Variants in INO80D observed in about 807,000 individuals in gnomAD.
INO80D encodes the protein INO80 complex subunit D.
A neutral mutation model predicts 87.6 loss-of-function variants in INO80D; 21 were observed. The observed-to-expected ratio is 0.24, with a 90% CI of 0.17 to 0.35. The LOEUF (loss-of-function observed/expected upper bound fraction) is 0.35, where lower values mean the gene tolerates loss of function less well. INO80D is among the 10% of genes least tolerant of loss of function. The probability of loss-of-function intolerance (pLI) is 1.00; values close to 1 mark genes in which losing one functional copy is unlikely to be tolerated. For synonymous variants in INO80D, 440 were observed against 491.0 expected (o/e 0.90, Z 1.37); for missense variants, 982 against 1,280.7 (o/e 0.77, Z 3.56).
intron 4 of INO80D, among the ~76,000 whole-genome samples, chr2:206,050,215 G>A (rs1445954506): frequency 6.6e-6 from 1 of 151,800 alleles, no homozygotes. Flanking sequence ...AAAAATTGCT[G>A]GGCACAGTGG....
intron 1 of INO80D, among the ~76,000 whole-genome samples, chr2:206,083,684 CG>C (rs1415220523): frequency 3.9e-5 from 6 of 152,042 alleles, no homozygotes; most frequent in Non-Finnish European, 8.8e-5. Flanking sequence ...CGAAGCCTCA[CG>C]GAAGTCAGCA....
chr2:206,085,804 G>A lies in INO80D; in HGVS notation c.-124+97C>T, dbSNP rs1400066158. 19 of 151,646 alleles carry A rather than the reference G, an allele frequency of 1.3e-4. No individual in the cohort carries two copies. The highest frequency in any genetic ancestry group is 2.4e-4 in the Non-Finnish European group (16 of 67,976). The allele number at this position is 151,646 out of a possible 1,614,324, so 9.4% of individuals were successfully genotyped here. On this transcript the variant is annotated intron_variant, in intron 1 of 10. Transcript: ENST00000403263. The surrounding 1 kb of genome is among the most constrained non-coding windows in gnomAD (Gnocchi z 4.5). ...TGGGCCGGCGAATCCCCGGCCTCAC[G>A]TAAGCGCGCTCGCCGCCCGCCCAGC... is the stretch of plus-strand genomic sequence containing the variant.
intron 1 of INO80D, among the ~76,000 whole-genome samples, chr2:206,070,095 C>T (rs1230378259): frequency 2.7e-5 from 4 of 150,500 alleles, no homozygotes; most frequent in South Asian, 2.1e-4. Flanking sequence ...GGCAACAGAG[C>T]GAAACCCTAT....
chr2:206,004,978 G>T lies in INO80D; in HGVS notation c.2474C>A (p.Pro825His). The T allele has an allele frequency of 1.2e-6, 2 of 1,614,030 alleles. No homozygotes were observed. Among genetic ancestry groups the T allele is most frequent in the Non-Finnish European group, 1.7e-6 (2 of 1,179,892 alleles). ...QYSSDHSHSS[P>H]HGSHYDSEHV... Reference sequence around the variant, plus strand: ...CTCACTATCATAATGGCTTCCATGGGGTGAGGAGTGTGAGTGATCACTGCT... The same window carrying T: ...CTCACTATCATAATGGCTTCCATGGTGTGAGGAGTGTGAGTGATCACTGCT... Residue 825 changes from proline (P) to histidine (H), a missense_variant, in exon 11 of 11, where the codon CCC (proline) becomes CAC (histidine). Pro to His is a moderately conservative substitution (Grantham distance 77, BLOSUM62 -2). Transcript: ENST00000403263. This position sits in a 1 kb window ranked among gnomAD's most constrained non-coding sequence, Gnocchi z 4.9.
At chr2:206,008,866 A>AAATT (rs751532424) in intron 9 of INO80D, among the ~76,000 whole-genome samples, 8 of 152,260 alleles carry the variant, frequency 5.3e-5, no homozygotes, top group Non-Finnish European at 1.2e-4. Context: ...TTTAGAAATG[A>AAATT]AATTAACAAC....
chr2:206,012,530 T>C (rs746833920), intron 8 of INO80D, among the ~76,000 whole-genome samples: 3 of 152,110 alleles, frequency 2.0e-5, no homozygotes, highest in Non-Finnish European at 4.4e-5. Flanking sequence ...ACTAGAATGG[T>C]AGCAGTGAAA....
chr2:206,019,693 G>T, intron 7 of INO80D, 43 bp downstream of exon 7: 1 of 1,420,860 alleles, frequency 7.0e-7, no homozygotes, highest in Non-Finnish European at 9.9e-7. Context: ...CCCAAATTAG[G>T]TAGTACTTTT....
At chr2:206,071,327 G>A (rs1689966075) in intron 1 of INO80D, among the ~76,000 whole-genome samples, 1 of 93,030 alleles carries the variant, frequency 1.1e-5, no homozygotes, top group Non-Finnish European at 2.0e-5. Flanking sequence ...TTTAAGAGAT[G>A]AGGTTGCACT....
intron 5 of INO80D, among the ~76,000 whole-genome samples, chr2:206,031,177 C>A (rs1688756146): frequency 6.6e-6 from 1 of 151,686 alleles, no homozygotes; most frequent in African/African-American, 2.4e-5. Flanking sequence ...TCACTTGAAC[C>A]CAGGAGGCAG....
chr2:206,012,302 G>A (rs1688197608), intron 8 of INO80D, among the ~76,000 whole-genome samples: 1 of 152,140 alleles, frequency 6.6e-6, no homozygotes, highest in Non-Finnish European at 1.5e-5. Context: ...TCTGTATCTT[G>A]ATTTAGGTGG....
intron 6 of INO80D, among the ~76,000 whole-genome samples, chr2:206,020,362 T>C (rs1688427308): frequency 6.6e-6 from 1 of 152,210 alleles, no homozygotes; most frequent in South Asian, 2.1e-4. Flanking sequence ...ATACAGTATA[T>C]AGTATTACAC....
In INO80D at chr2:206,022,470, C is replaced by A. The variant is rs1688490573; in HGVS notation, c.1299-2625G>T. Among the ~76,000 whole-genome samples, 4 of 152,074 alleles carry A rather than the reference C, an allele frequency of 2.6e-5. No individual in the cohort carries two copies. In the South Asian group the frequency reaches 8.3e-4, roughly 32 times the overall value. On this transcript the variant is annotated intron_variant, in intron 6 of 10. Coordinates refer to ENST00000403263, the MANE Select transcript of INO80D (RefSeq NM_017759.5). ...CAACAAACAAAGGGAATTACCAAAA[C>A]TTTTTCATGTTTTTCATATTTAAAA... is the stretch of plus-strand genomic sequence containing the variant.
At chr2:206,018,447 A>G (rs888429679) in intron 7 of INO80D, among the ~76,000 whole-genome samples, 22 of 152,260 alleles carry the variant, frequency 1.4e-4, no homozygotes, top group Admixed American at 3.3e-4. Context: ...CACCTGGCCA[A>G]TGGTTTTCTT....
intron 10 of INO80D, 66 bp downstream of exon 10, chr2:206,007,216 AAC>A (rs1202412777): frequency 2.9e-6 from 4 of 1,402,894 alleles, no homozygotes; most frequent in Non-Finnish European, 3.0e-6. Flanking sequence ...CACATCTCAA[AAC>A]ACTATTTCTT....
chr2:206,064,869 T>C (rs1345552666), intron 1 of INO80D, among the ~76,000 whole-genome samples: 2 of 145,930 alleles, frequency 1.4e-5, no homozygotes, highest in Non-Finnish European at 3.1e-5. Context: ...ATATTTTCTC[T>C]TCTGGAGGGA....
At chr2:206,061,040 G>T (rs1689676902) in intron 3 of INO80D, among the ~76,000 whole-genome samples, 1 of 151,704 alleles carries the variant, frequency 6.6e-6, no homozygotes, top group Admixed American at 6.6e-5. Context: ...TAGATAGGGG[G>T]TCTTGTTCAG....
At chr2:206,014,309 A>T (rs564629498) in intron 8 of INO80D, among the ~76,000 whole-genome samples, 1 of 152,356 alleles carries the variant, frequency 6.6e-6, no homozygotes, top group South Asian at 2.1e-4. Context: ...CTAAAAAATA[A>T]AACAAGTTCT....
intron 6 of INO80D, among the ~76,000 whole-genome samples, chr2:206,022,532 C>A (rs547761370): frequency 6.6e-6 from 1 of 152,202 alleles, no homozygotes; most frequent in Non-Finnish European, 1.5e-5. Flanking sequence ...TGCCCTATTG[C>A]ACCCCCCATA....
rs1687804594 is a variant in INO80D at position 205,996,227 on chromosome 2, T to G, written c.*8141A>C. 6.6e-6 allele frequency: 1 copy of G among 151,878 alleles called. No homozygotes were observed. The highest frequency in any genetic ancestry group is 2.1e-4 in the South Asian group (1 of 4,826). 9.4% of individuals were successfully genotyped at this position (151,878 alleles called of 1,614,324 possible). On this transcript the variant is annotated 3_prime_UTR_variant, in exon 11 of 11. Transcript: ENST00000403263. ...GGAAAATTTCAGAGATAAAGATCTT[T>G]AAAAGAAATAACAGAGAAGTTGATG...
Sources: gnomAD v4.1 joint callset for allele counts (sites outside exome capture counted in the v4.1 genomes callset) on GRCh38, gnomAD v4.1.1 for gene constraint, Gnocchi (gnomAD v3.1) non-coding constraint, MANE v1.5 for transcripts, NCBI Gene and HGNC (gene_info 2026-07-23, HGNC 2026-07-21) for gene names.